ARHGEF1: variants seen among roughly 807,000 people sequenced by gnomAD.
The protein encoded by ARHGEF1 is Rho guanine nucleotide exchange factor 1.
A neutral mutation model predicts 119.7 loss-of-function variants in ARHGEF1; 40 were observed. The observed-to-expected ratio is 0.33, with a 90% CI of 0.26 to 0.44. ARHGEF1 has a LOEUF of 0.44. ARHGEF1 is among the 20% of genes least tolerant of loss of function. The probability of loss-of-function intolerance (pLI) is 1.00; values close to 1 mark genes in which losing one functional copy is unlikely to be tolerated. For synonymous variants in ARHGEF1, 494 were observed against 521.0 expected, an observed-to-expected ratio of 0.95 and a Z score of 0.71; for missense variants, 976 against 1,268.3, an observed-to-expected ratio of 0.77 and a Z score of 3.50.
At position 41,892,163 on chromosome 19, in the gene ARHGEF1, T is replaced by A. The variant is rs2074386924; in HGVS notation, c.324+40T>A. The A allele has an allele frequency of 6.3e-7, 1 of 1,587,944 alleles. No individual in the cohort carries two copies. The stretch of plus-strand genomic sequence containing the variant: ...AGCTGCCCCAACCCTGCAATCCCTG[T>A]TTGGGCCTGCAGAGTCACCATGCGG... On this transcript the variant is annotated intron_variant, in intron 5 of 28. Coordinates refer to ENST00000354532, the MANE Select transcript of ARHGEF1 (RefSeq NM_004706.4). The surrounding 1 kb of genome is among the most constrained non-coding windows in gnomAD (Gnocchi z 6.3).
downstream of ARHGEF1, among the ~76,000 whole-genome samples, chr19:41,911,447 C>G (rs142087827): frequency 6.6e-6 from 1 of 152,188 alleles, no homozygotes; most frequent in Non-Finnish European, 1.5e-5. Context: ...TGTCCACTTG[C>G]TGTGTGATTA....
intron 13 of ARHGEF1, chr19:41,897,484 C>T (rs1475614086): frequency 1.9e-5 from 7 of 370,250 alleles, no homozygotes; most frequent in South Asian, 1.7e-4. Flanking sequence ...GGAAATCCTC[C>T]CCACCCCATA....
downstream of ARHGEF1, chr19:41,907,624 A>T (rs782679336): frequency 1.9e-6 from 1 of 531,708 alleles, no homozygotes; most frequent in South Asian, 2.4e-5. Context: ...CCGTACACAC[A>T]CTGGGTATGA....
rs1555849617 is a variant in ARHGEF1, at chr19:41,904,134, G to T, written c.1993+24G>T. On this transcript the variant is annotated intron_variant, in intron 21 of 28. Coordinates refer to ENST00000354532, the MANE Select transcript of ARHGEF1 (RefSeq NM_004706.4). This position sits in a 1 kb window ranked among gnomAD's most constrained non-coding sequence, Gnocchi z 8.4. ...GGGTGAGTGCCAGAGCAGCTGCCTA[G>T]TGCAGGGTGTTGGGGCAGTGAGCCA... 1 of 1,614,212 alleles carries T rather than the reference G, an allele frequency of 6.2e-7. No individual in the cohort carries two copies. Among genetic ancestry groups the T allele is most frequent in the South Asian group, 1.1e-5 (1 of 91,090 alleles).
Position 41,906,283 on chromosome 19 carries a change from TA to T in ARHGEF1, c.2492-171del. 3 of 716,008 alleles carry T rather than the reference TA, an allele frequency of 4.2e-6. No individual in the cohort carries two copies. The highest frequency in any genetic ancestry group is 2.3e-6 in the Non-Finnish European group (1 of 431,368). 44.4% of individuals were successfully genotyped at this position (716,008 alleles called of 1,614,324 possible). A position where few individuals can be genotyped will look rare whatever the true frequency, so the allele number is the denominator to read the frequency against. Reference sequence around the variant, plus strand: ...GTACCTTCCTGCCCTGTCCCAACCCTAAACCCAGCCTCACTTCTTCACCTCC... The same window carrying T: ...GTACCTTCCTGCCCTGTCCCAACCCTAACCCAGCCTCACTTCTTCACCTCC... On this transcript the variant is annotated intron_variant, in intron 26 of 28. Transcript: ENST00000354532. The surrounding 1 kb of genome is among the most constrained non-coding windows in gnomAD (Gnocchi z 4.5).
chr19:41,891,248 C>A (rs1350741054), intron 4 of ARHGEF1, among the ~76,000 whole-genome samples: 2 of 152,138 alleles, frequency 1.3e-5, no homozygotes, highest in Non-Finnish European at 2.9e-5. Context: ...CGAATCCTAA[C>A]TTTGCCACTT....
intron 4 of ARHGEF1, among the ~76,000 whole-genome samples, chr19:41,891,212 T>C (rs574280720): frequency 6.6e-6 from 1 of 151,986 alleles, no homozygotes; most frequent in Non-Finnish European, 1.5e-5. Context: ...GGCAGTGGAG[T>C]GTAGTAGAGA....
Position 41,894,260 on chromosome 19 carries a change from C to G in ARHGEF1, c.698C>G (p.Thr233Ser). Residue 233 changes from threonine to serine, a missense_variant, in exon 9 of 29, where the codon ACC becomes AGC. Thr to Ser is a moderately conservative substitution (Grantham distance 58, BLOSUM62 1). Transcript: ENST00000354532. ...TACATGCGCCACCTTGGGGTGCGGA[C>G]CAAGAGTGGAGACAAGAAGTCGGGG... ...GLYMRHLGVR[T>S]KSGDKKSGRN... The G allele has an allele frequency of 6.4e-7, 1 of 1,572,738 alleles. No homozygotes were observed. Among genetic ancestry groups the G allele is most frequent in the Non-Finnish European group, 8.7e-7 (1 of 1,154,702 alleles).
At chr19:41,885,379 GGTTCAGATTTTA>G (rs1244940910) in intron 1 of ARHGEF1, among the ~76,000 whole-genome samples, 3 of 152,192 alleles carry the variant, frequency 2.0e-5, no homozygotes, top group African/African-American at 4.8e-5. Context: ...TCAGAGCTTT[GGTTCAGATTTTA>G]GTTTCTGAAG....
At position 41,902,903 on chromosome 19, in the gene ARHGEF1, C is replaced by G. The variant is rs113602085; in HGVS notation, c.1738+5C>G. ...AGAGCATCGGGCAGAACACAGGTAC[C>G]GCGGGCCTGGATCTCTGGGCCTCGG... On this transcript the variant is annotated splice_donor_5th_base_variant and intron_variant, in intron 18 of 28. Transcript: ENST00000354532. This position sits in a 1 kb window ranked among gnomAD's most constrained non-coding sequence, Gnocchi z 6.5. 15 of 1,573,898 alleles carry G rather than the reference C, an allele frequency of 9.5e-6. No individual in the cohort carries two copies. Among genetic ancestry groups the G allele is most frequent in the Non-Finnish European group, 1.0e-5 (12 of 1,162,366 alleles).
chr19:41,896,730 T>C (rs1555847755), intron 13 of ARHGEF1: 1 of 658,144 alleles, frequency 1.5e-6, no homozygotes, highest in South Asian at 1.5e-5. Flanking sequence ...CCTTCCTTTT[T>C]TCACTAATCC....
intron 12 of ARHGEF1, 29 bp downstream of exon 12, chr19:41,895,515 G>T: frequency 6.4e-7 from 1 of 1,563,620 alleles, no homozygotes; most frequent in East Asian, 2.3e-5. Flanking sequence ...AGGGCTCCAT[G>T]AGGCCCGGCG....
intron 4 of ARHGEF1, 55 bp from the exon 5 acceptor site, chr19:41,891,970 G>A (rs984092296): frequency 3.4e-6 from 5 of 1,464,130 alleles, no homozygotes; most frequent in Non-Finnish European, 4.7e-6. Context: ...CAAAGGGAGA[G>A]TGTGGTTTGA....
chr19:41,919,306 A>C (rs2074823483), upstream of ARHGEF1, among the ~76,000 whole-genome samples: 1 of 152,188 alleles, frequency 6.6e-6, no homozygotes, highest in Non-Finnish European at 1.5e-5. Context: ...CTTCGGCACA[A>C]GTTCACAGAA....
rs146744506 is a variant in ARHGEF1 at position 41,896,528 on chromosome 19, G to A, written c.1121+46G>A. The A allele has an allele frequency of 1.4e-4, 196 of 1,451,238 alleles. 1 individual carries two copies. In the East Asian group the frequency reaches 3.9e-3, roughly 29 times the overall value. The allele number at this position is 1,451,238 out of a possible 1,614,324, so 89.9% of individuals were successfully genotyped here. A position where few individuals can be genotyped will look rare whatever the true frequency, so the allele number is the denominator to read the frequency against. The stretch of plus-strand genomic sequence containing the variant: ...GGGCGGGAGGTGTGGCTTACTGGGC[G>A]CTGGTGGGTGGGTGCAGGGTCACCG... On this transcript the variant is annotated intron_variant, in intron 13 of 28. Coordinates refer to ENST00000354532, the MANE Select transcript of ARHGEF1 (RefSeq NM_004706.4).
chr19:41,884,464 G>T, intron 1 of ARHGEF1: 2 of 1,607,076 alleles, frequency 1.2e-6, no homozygotes. Context: ...TTCCGGTGGC[G>T]GCGATGGCTT....
rs1449861382 is a variant in ARHGEF1 at position 41,906,542 on chromosome 19, C to T, written c.2577C>T (p.Gly859=). 5.7e-6 allele frequency: 9 copies of T among 1,583,296 alleles called. No individual in the cohort carries two copies. Among genetic ancestry groups the T allele is most frequent in the African/African-American group, 1.4e-5 (1 of 72,678 alleles). The change falls in exon 27 of 29, where the codon GGC becomes GGT. Residue 859 remains glycine (G), a synonymous_variant. Transcript: ENST00000354532. This position sits in a 1 kb window ranked among gnomAD's most constrained non-coding sequence, Gnocchi z 4.5. ...PPRDGDGVPG[G]GPLSPARTQE... ...GAGATGGGGATGGGGTCCCAGGGGG[C>T]GGCCCCCTGAGCCCAGCACGGACCC...
Position 41,902,981 on chromosome 19 carries a change from C to T in ARHGEF1, c.1738+83C>T. On this transcript the variant is annotated intron_variant, in intron 18 of 28. Transcript: ENST00000354532. The surrounding 1 kb of genome is among the most constrained non-coding windows in gnomAD (Gnocchi z 6.5). Reference sequence around the variant, plus strand: ...TTCTCACTCATTTTCATCAGTGATACCATCACAGCTCACTGCAGCCTCAAC... The same window carrying T: ...TTCTCACTCATTTTCATCAGTGATATCATCACAGCTCACTGCAGCCTCAAC... 6 of 1,143,252 alleles carry T rather than the reference C, an allele frequency of 5.2e-6. No homozygotes were observed. The highest frequency in any genetic ancestry group is 7.3e-6 in the Non-Finnish European group (6 of 820,306). 70.8% of individuals were successfully genotyped at this position (1,143,252 alleles called of 1,614,324 possible).
Position 41,906,765 on chromosome 19 carries a change from C to T in ARHGEF1, c.2718C>T (p.Val906=). ...PLLSQLGGNS[V]PQPGCT is the part of the protein sequence containing the mutation. ...TGTCTCAGCTTGGGGGGAACTCTGT[C>T]CCCCAGCCTGGCTGCACTTGAGGTT... Residue 906 remains valine (V), a synonymous_variant, in exon 28 of 29, where the codon GTC becomes GTT. Coordinates refer to ENST00000354532, the MANE Select transcript of ARHGEF1 (RefSeq NM_004706.4). This position sits in a 1 kb window ranked among gnomAD's most constrained non-coding sequence, Gnocchi z 4.5. 1 of 1,611,318 alleles carries T rather than the reference C, an allele frequency of 6.2e-7. No homozygotes were observed. Among genetic ancestry groups the T allele is most frequent in the Non-Finnish European group, 8.5e-7 (1 of 1,178,852 alleles).
Sources: allele counts gnomAD v4.1 joint callset (sites outside exome capture counted in the v4.1 genomes callset), GRCh38; gene constraint gnomAD v4.1.1; non-coding constraint Gnocchi (gnomAD v3.1); transcripts MANE v1.5; gene names NCBI Gene and HGNC (gene_info 2026-07-23, HGNC 2026-07-21).